FAAH2: variants seen among roughly 807,000 people sequenced by gnomAD.
The protein encoded by FAAH2 is fatty-acid amide hydrolase 2.
In FAAH2, 60 loss-of-function variants were observed where a neutral mutation model predicts 36.9. The ratio of observed to expected loss-of-function variants is 1.63; its 90% CI spans 1.32 to 2.02. The LOEUF is 2.02. FAAH2 is among the 30% of genes most tolerant of loss of function. The pLI, the probability that FAAH2 is intolerant of heterozygous loss-of-function variation, is 0.00. For missense variants in FAAH2, 689 were observed against 397.5 expected (o/e 1.73, Z -6.23); for synonymous variants, 214 against 143.8 (o/e 1.49, Z -3.49).
At chrX:57,347,770 C>G (rs1272233544) in intron 5 of FAAH2, among the ~76,000 whole-genome samples, 1 of 108,961 alleles carries the variant, frequency 9.2e-6, no homozygotes, top group Non-Finnish European at 1.9e-5. Context: ...TTCAGGAGAC[C>G]AGGGCTCTTT....
chrX:57,467,771 T>C (rs2057078505), intron 10 of FAAH2, among the ~76,000 whole-genome samples: 1 of 111,331 alleles, frequency 9.0e-6, no homozygotes, highest in Admixed American at 9.5e-5. Flanking sequence ...CCAGCACAGT[T>C]TGAGATCTGA....
chrX:57,377,589 AC>A (rs2054718019), intron 5 of FAAH2, among the ~76,000 whole-genome samples: 1 of 111,797 alleles, frequency 8.9e-6, no homozygotes, highest in Non-Finnish European at 1.9e-5. Context: ...TGATGTCTCC[AC>A]CTTTGTTCTT....
intron 10 of FAAH2, among the ~76,000 whole-genome samples, chrX:57,477,117 T>A (rs904357384): frequency 9.0e-6 from 1 of 111,061 alleles, no homozygotes; most frequent in African/African-American, 3.3e-5. Context: ...TATATAGTGA[T>A]CTATTTATTT....
chrX:57,222,712 C>G, the FAAH2 span, among the ~76,000 whole-genome samples: 2 of 111,992 alleles, frequency 1.8e-5, no homozygotes, highest in Admixed American at 1.9e-4. Context: ...TAACCAGCTC[C>G]CGTCTAAACA....
At chrX:57,175,092 G>T in the FAAH2 span, among the ~76,000 whole-genome samples, 1 of 111,610 alleles carries the variant, frequency 9.0e-6, no homozygotes, top group African/African-American at 3.2e-5. Flanking sequence ...AGGTCCACTT[G>T]TTCTAGAGTG....
chrX:57,200,502 C>T, the FAAH2 span, among the ~76,000 whole-genome samples: 4 of 109,539 alleles, frequency 3.7e-5, no homozygotes, highest in Non-Finnish European at 7.6e-5. Context: ...CCTCAGCCTC[C>T]CGAATAGCTG....
chrX:57,453,239 G>C (rs781769040), intron 10 of FAAH2, among the ~76,000 whole-genome samples: 12 of 112,492 alleles, frequency 1.1e-4, no homozygotes, highest in African/African-American at 3.2e-4. Flanking sequence ...ACGTACCCCA[G>C]AGGTAGAGAA....
At chrX:57,431,501 G>T in intron 7 of FAAH2, among the ~76,000 whole-genome samples, 2 of 111,572 alleles carry the variant, frequency 1.8e-5, no homozygotes. Context: ...AGACACAACA[G>T]TCCCTCAGAC....
At chrX:57,368,071 C>G (rs2054462669) in intron 5 of FAAH2, among the ~76,000 whole-genome samples, 1 of 111,125 alleles carries the variant, frequency 9.0e-6, no homozygotes, top group Non-Finnish European at 1.9e-5. Flanking sequence ...CTCAGCCAAA[C>G]TATTATGGGT....
chrX:57,429,329 A>G (rs1432926859), intron 7 of FAAH2, among the ~76,000 whole-genome samples: 2 of 93,127 alleles, frequency 2.1e-5, no homozygotes, highest in African/African-American at 7.5e-5. Context: ...ATAGAGTGAG[A>G]TTCCATCTCA....
At chrX:57,163,990 A>T in the FAAH2 span, among the ~76,000 whole-genome samples, 8 of 112,483 alleles carry the variant, frequency 7.1e-5, no homozygotes, top group Non-Finnish European at 1.5e-4. Flanking sequence ...AGGTATAATA[A>T]CTATCTGAGC....
chrX:57,376,733 G>A (rs1275993437), intron 5 of FAAH2, among the ~76,000 whole-genome samples: 1 of 111,749 alleles, frequency 8.9e-6, no homozygotes, highest in Non-Finnish European at 1.9e-5. Context: ...TCACCACACT[G>A]TCTTCTGCAA....
chrX:57,295,836 C>T (rs763591130), intron 2 of FAAH2, among the ~76,000 whole-genome samples: 16 of 112,550 alleles, frequency 1.4e-4, no homozygotes, highest in African/African-American at 4.5e-4. Context: ...GAGGGTCCTA[C>T]GCCCACGGAG....
At position 57,446,844 on chromosome X, in the gene FAAH2, CAT is replaced by C. The variant is rs1230390520; in HGVS notation, c.1117-78_1117-77del. 10 of 542,938 alleles carry C rather than the reference CAT, an allele frequency of 1.8e-5. No individual in the cohort carries two copies. The African/African-American group carries it at 2.1e-4, about 12-fold the overall frequency. 44.7% of individuals were successfully genotyped at this position (542,938 alleles called of 1,213,427 possible). A position where few individuals can be genotyped will look rare whatever the true frequency, so the allele number is the denominator to read the frequency against. ...TATTTTACTGTTATGAATGATTATT[CAT>C]ATATAAGTCTTGTATAGGTGTTTTG... is the stretch of plus-strand genomic sequence containing the variant. On this transcript the variant is annotated intron_variant, in intron 8 of 10. Coordinates refer to ENST00000374900, the MANE Select transcript of FAAH2 (RefSeq NM_174912.4).
rs749024644 is a variant in FAAH2 at position 57,445,449 on chromosome X, G to A, written c.1117-1479G>A. Reference sequence around the variant, plus strand: ...GGCAGTGTGCTAGATTAAACATTAAGCTAGCACAGTACGGGGTCTCATCCA... The same window carrying A: ...GGCAGTGTGCTAGATTAAACATTAAACTAGCACAGTACGGGGTCTCATCCA... On this transcript the variant is annotated intron_variant, in intron 8 of 10. Transcript: ENST00000374900. 1.8e-5 allele frequency among the ~76,000 whole-genome samples: 2 copies of A among 111,469 alleles called. 1 individual carries two copies. Among genetic ancestry groups the A allele is most frequent in the African/African-American group, 6.5e-5 (2 of 30,604 alleles).
At chrX:57,176,029 A>G in the FAAH2 span, among the ~76,000 whole-genome samples, 1 of 111,375 alleles carries the variant, frequency 9.0e-6, no homozygotes, top group Non-Finnish European at 1.9e-5. Context: ...TTGACTTTAT[A>G]TAGCCTGATG....
the FAAH2 span, among the ~76,000 whole-genome samples, chrX:57,149,929 A>G: frequency 9.0e-5 from 10 of 111,528 alleles, no homozygotes; most frequent in Non-Finnish European, 1.7e-4. Flanking sequence ...ACACTGCTTT[A>G]AATGTGTCCC....
At chrX:57,486,177 G>C (rs1253756755) in intron 10 of FAAH2, among the ~76,000 whole-genome samples, 3 of 111,990 alleles carry the variant, frequency 2.7e-5, no homozygotes, top group Non-Finnish European at 5.6e-5. Context: ...GCCATGTGCT[G>C]GTGCTCTTAG....
chrX:57,135,872 C>T, the FAAH2 span: 38 of 1,208,342 alleles, frequency 3.1e-5, no homozygotes, highest in East Asian at 9.8e-4. Context: ...CATCATCAAA[C>T]TTGATGAAAT....
Sources: allele counts gnomAD v4.1 joint callset (sites outside exome capture counted in the v4.1 genomes callset), GRCh38; gene constraint gnomAD v4.1.1; transcripts MANE v1.5; gene names NCBI Gene and HGNC (gene_info 2026-07-23, HGNC 2026-07-21).